The following HIPK2 variants were observed in gnomAD, a reference collection of about 807,000 sequenced individuals.
HIPK2 encodes homeodomain-interacting protein kinase 2.
In HIPK2, 27 loss-of-function variants were observed where a neutral mutation model predicts 113.7. The observed-to-expected ratio is 0.24, with a 90% CI of 0.17 to 0.33. The LOEUF is 0.33. Ranked by LOEUF, HIPK2 falls within the 10% of genes least tolerant of loss-of-function variation. The pLI is 1.00. For synonymous variants in HIPK2, 631 were observed against 642.2 expected, an observed-to-expected ratio of 0.98 and a Z score of 0.26; for missense variants, 1,257 against 1,588.0, an observed-to-expected ratio of 0.79 and a Z score of 3.54.
Position 139,614,397 on chromosome 7 carries a change from T to C in HIPK2, c.1879A>G (p.Met627Val), listed in dbSNP as rs369052622. The change falls in exon 8 of 15, where the codon ATG becomes GTG. Residue 627 changes from methionine (M) to valine (V), a missense_variant. Physicochemically the swap from Met to Val is conservative, Grantham distance 21. Around this residue, in one of 5 missense-constraint regions of HIPK2, gnomAD observed 862 missense variants for 1,004.3 expected, o/e 0.86. Transcript: ENST00000406875. ...STLYQPSAAS[M>V]AAVAQRSMPL... Reference sequence around the variant, plus strand: ...ATGCTCCGCTGGGCCACTGCAGCCATGGATGCCGCTGAGGGCTGGTAGAGT... The same window carrying C: ...ATGCTCCGCTGGGCCACTGCAGCCACGGATGCCGCTGAGGGCTGGTAGAGT... 1.3e-6 allele frequency: 2 copies of C among 1,575,518 alleles called. No individual in the cohort carries two copies. Among genetic ancestry groups the C allele is most frequent in the Non-Finnish European group, 1.7e-6 (2 of 1,156,304 alleles).
chr7:139,700,121 G>A (rs1794667479), intron 2 of HIPK2, among the ~76,000 whole-genome samples: 1 of 152,210 alleles, frequency 6.6e-6, no homozygotes. Flanking sequence ...TTGCCTGTGC[G>A]AGGTGGGGGG....
At chr7:139,607,828 C>T (rs1799672188) in intron 9 of HIPK2, among the ~76,000 whole-genome samples, 1 of 151,718 alleles carries the variant, frequency 6.6e-6, no homozygotes, top group African/African-American at 2.4e-5. Context: ...CTTCATCTTC[C>T]ATAATAGGAA....
intron 2 of HIPK2, among the ~76,000 whole-genome samples, chr7:139,670,066 T>C (rs1000569023): frequency 1.3e-5 from 2 of 152,230 alleles, no homozygotes; most frequent in African/African-American, 2.4e-5. Context: ...ACTCTCAAAT[T>C]GCTTTCGGAG....
intron 1 of HIPK2, among the ~76,000 whole-genome samples, chr7:139,761,358 G>A (rs1431643834): frequency 6.6e-6 from 1 of 152,216 alleles, no homozygotes; most frequent in Admixed American, 6.5e-5. Context: ...GTCTCTAGGG[G>A]GAAAGTGTAA....
intron 4 of HIPK2, among the ~76,000 whole-genome samples, chr7:139,629,654 A>G (rs1800545441): frequency 6.6e-6 from 1 of 152,168 alleles, no homozygotes; most frequent in Non-Finnish European, 1.5e-5. Flanking sequence ...ACAGACCTAC[A>G]TTCCCCAAAT....
intron 2 of HIPK2, among the ~76,000 whole-genome samples, chr7:139,710,171 T>G (rs1283550794): frequency 6.6e-6 from 1 of 152,226 alleles, no homozygotes; most frequent in Non-Finnish European, 1.5e-5. Context: ...TCTGGCACTT[T>G]GGCTCAACCC....
intron 2 of HIPK2, among the ~76,000 whole-genome samples, chr7:139,643,851 T>C (rs368402415): frequency 6.6e-6 from 1 of 152,248 alleles, no homozygotes; most frequent in Non-Finnish European, 1.5e-5. Context: ...GAGATCCTTA[T>C]ACTCCTGACA....
chr7:139,666,336 G>A (rs1268056480), intron 2 of HIPK2, among the ~76,000 whole-genome samples: 2 of 152,196 alleles, frequency 1.3e-5, no homozygotes, highest in African/African-American at 4.8e-5. Context: ...AGGGGCTGCC[G>A]TGGTGTGTCC....
chr7:139,756,808 C>G (rs1164987102), intron 1 of HIPK2, among the ~76,000 whole-genome samples: 1 of 152,216 alleles, frequency 6.6e-6, no homozygotes, highest in African/African-American at 2.4e-5. Context: ...ACCGCCTGCT[C>G]TCACGCATGC....
chr7:139,669,496 A>G (rs1802184159), intron 2 of HIPK2, among the ~76,000 whole-genome samples: 1 of 152,218 alleles, frequency 6.6e-6, no homozygotes, highest in African/African-American at 2.4e-5. Context: ...TGACAAAATG[A>G]GACATCTGGT....
intron 13 of HIPK2, among the ~76,000 whole-genome samples, chr7:139,576,861 G>A (rs1798510093): frequency 6.6e-6 from 1 of 152,164 alleles, no homozygotes. Flanking sequence ...CCGAGTGGGG[G>A]CCATCTCCCC....
At chr7:139,694,370 C>T (rs1011647611) in intron 2 of HIPK2, among the ~76,000 whole-genome samples, 1 of 152,200 alleles carries the variant, frequency 6.6e-6, no homozygotes, top group Non-Finnish European at 1.5e-5. Context: ...ATTACCAACA[C>T]AAAGATACCT....
At chr7:139,676,160 G>A (rs1195490471) in intron 2 of HIPK2, among the ~76,000 whole-genome samples, 1 of 152,158 alleles carries the variant, frequency 6.6e-6, no homozygotes, top group Non-Finnish European at 1.5e-5. Context: ...GGCTTACCAG[G>A]CTATCTATAC....
chr7:139,695,241 C>A (rs1449309401), intron 2 of HIPK2, among the ~76,000 whole-genome samples: 1 of 152,224 alleles, frequency 6.6e-6, no homozygotes, highest in African/African-American at 2.4e-5. Flanking sequence ...GAGGAGCAGG[C>A]TGCTTGCGGG....
At chr7:139,711,765 AAAAC>A (rs1408944898) in intron 2 of HIPK2, among the ~76,000 whole-genome samples, 4 of 152,216 alleles carry the variant, frequency 2.6e-5, no homozygotes, top group Non-Finnish European at 5.9e-5. Context: ...AAAAAAACTA[AAAAC>A]AAACAAAATG....
At chr7:139,619,927 A>T (rs1411643300) in intron 7 of HIPK2, among the ~76,000 whole-genome samples, 1 of 151,928 alleles carries the variant, frequency 6.6e-6, no homozygotes, top group Non-Finnish European at 1.5e-5. Context: ...TACCCAGCTA[A>T]TTTTTTGTAT....
intron 1 of HIPK2, among the ~76,000 whole-genome samples, chr7:139,730,384 A>G (rs1239683966): frequency 1.3e-5 from 2 of 151,064 alleles, no homozygotes; most frequent in African/African-American, 4.9e-5. Flanking sequence ...TTTTGGAGAC[A>G]AAGTCTCACT....
intron 1 of HIPK2, among the ~76,000 whole-genome samples, chr7:139,740,161 T>A (rs775673824): frequency 2.5e-4 from 38 of 151,954 alleles, no homozygotes; most frequent in Non-Finnish European, 4.7e-4. Context: ...CCCCCAGAGG[T>A]CCCAGGCAAA....
intron 1 of HIPK2, among the ~76,000 whole-genome samples, chr7:139,772,988 A>G (rs910209414): frequency 7.2e-5 from 11 of 151,742 alleles, no homozygotes; most frequent in African/African-American, 2.7e-4. Context: ...AATCAGACCC[A>G]TGGTCTAGTG....
Sources: gnomAD v4.1 joint callset for allele counts (sites outside exome capture counted in the v4.1 genomes callset) on GRCh38, gnomAD v4.1.1 for gene constraint, gnomAD v4.1.1 regional missense constraint, MANE v1.5 for transcripts, NCBI Gene and HGNC (gene_info 2026-07-23, HGNC 2026-07-21) for gene names.